The following CTNNA3 variants were observed in gnomAD, a reference collection of about 807,000 sequenced individuals.
The protein encoded by CTNNA3 is catenin alpha-3.
CTNNA3 carries 76 observed loss-of-function variants against 95.7 expected under a neutral mutation model. The ratio of observed to expected loss-of-function variants is 0.79; its 90% CI spans 0.66 to 0.96. The LOEUF is 0.96. Ranked by LOEUF, CTNNA3 falls within the 40% of genes least tolerant of loss-of-function variation. The probability of loss-of-function intolerance (pLI) is 0.00; values close to 1 mark genes in which losing one functional copy is unlikely to be tolerated. For missense variants in CTNNA3, 1,191 were observed against 1,089.8 expected, an observed-to-expected ratio of 1.09 and a Z score of -1.31; for synonymous variants, 431 against 374.4, an observed-to-expected ratio of 1.15 and a Z score of -1.74.
At chr10:66,890,145 T>C (rs925630606) in intron 7 of CTNNA3, among the ~76,000 whole-genome samples, 1 of 152,162 alleles carries the variant, frequency 6.6e-6, no homozygotes, top group Non-Finnish European at 1.5e-5. Flanking sequence ...TTTGGACATG[T>C]AAGGTTTGAA....
chr10:67,238,194 A>G (rs1370180321), intron 5 of CTNNA3, among the ~76,000 whole-genome samples: 1 of 152,214 alleles, frequency 6.6e-6, no homozygotes, highest in Non-Finnish European at 1.5e-5. Context: ...ACATGAATCT[A>G]GACTTCAGAG....
chr10:66,166,360 G>C (rs1406624743), intron 13 of CTNNA3, among the ~76,000 whole-genome samples: 1 of 151,910 alleles, frequency 6.6e-6, no homozygotes, highest in East Asian at 2.0e-4. Flanking sequence ...AAGGCATAGT[G>C]ATGGGCACCT....
chr10:65,968,367 C>T (rs1016267668), intron 16 of CTNNA3, among the ~76,000 whole-genome samples: 1 of 151,954 alleles, frequency 6.6e-6, no homozygotes. Flanking sequence ...CAGAGTGGGA[C>T]CTTGTGTCAA....
upstream of CTNNA3, among the ~76,000 whole-genome samples, chr10:67,700,709 AG>A (rs1841030735): frequency 6.6e-6 from 1 of 152,210 alleles, no homozygotes. Context: ...AACTCTAAAA[AG>A]CAGAGCGCCT....
rs80021039 is a variant in CTNNA3, at chr10:66,564,707, T to C, written c.1375-43934A>G. Among the ~76,000 whole-genome samples the C allele has an allele frequency of 7.5e-3, 1,136 of 152,278 alleles. 15 individuals are homozygous for C. The highest frequency in any genetic ancestry group is 0.026 in the African/African-American group (1,085 of 41,568). Reference sequence around the variant, plus strand: ...CCTGACAAAGTTACCAAAAGTGCCTTTTCCTTGAAGGACATAAAAGGTGAG... The same window carrying C: ...CCTGACAAAGTTACCAAAAGTGCCTCTTCCTTGAAGGACATAAAAGGTGAG... On this transcript the variant is annotated intron_variant, in intron 10 of 17. Coordinates refer to ENST00000433211, the MANE Select transcript of CTNNA3 (RefSeq NM_013266.4).
chr10:66,211,915 A>G (rs1456700113), intron 13 of CTNNA3, among the ~76,000 whole-genome samples: 2 of 151,606 alleles, frequency 1.3e-5, no homozygotes, highest in Non-Finnish European at 2.9e-5. Context: ...TTGTTGAACC[A>G]ATTTCAGATT....
intron 3 of CTNNA3, among the ~76,000 whole-genome samples, chr10:67,601,425 G>A (rs919052529): frequency 2.0e-5 from 3 of 152,084 alleles, no homozygotes; most frequent in African/African-American, 2.4e-5. Flanking sequence ...ATCTAATGCC[G>A]CAGCTGATCT....
intron 11 of CTNNA3, among the ~76,000 whole-genome samples, chr10:66,415,853 T>C (rs755620222): frequency 2.0e-5 from 3 of 152,120 alleles, no homozygotes; most frequent in Non-Finnish European, 2.9e-5. Flanking sequence ...AGTCCTTCCC[T>C]GTGAAAGCAA....
intron 11 of CTNNA3, among the ~76,000 whole-genome samples, chr10:66,422,704 A>G (rs1035953026): frequency 3.3e-5 from 5 of 152,054 alleles, no homozygotes; most frequent in Non-Finnish European, 5.9e-5. Flanking sequence ...TTCCATATCA[A>G]TCTAGTCACT....
At chr10:66,547,583 C>T (rs555299884) in intron 10 of CTNNA3, among the ~76,000 whole-genome samples, 2 of 151,848 alleles carry the variant, frequency 1.3e-5, no homozygotes, top group Non-Finnish European at 2.9e-5. Flanking sequence ...ACCTCGTAAT[C>T]CACCCTCCTC....
chr10:67,350,910 G>GTACA (rs1554825972), intron 5 of CTNNA3, among the ~76,000 whole-genome samples: 152 of 141,818 alleles, frequency 1.1e-3, no homozygotes, highest in African/African-American at 3.6e-3. Flanking sequence ...AAAAGTATGT[G>GTACA]TATATATATA....
intron 5 of CTNNA3, among the ~76,000 whole-genome samples, chr10:67,287,095 T>G (rs1164819343): frequency 1.3e-5 from 2 of 152,050 alleles, no homozygotes; most frequent in Admixed American, 1.3e-4. Flanking sequence ...ATCCCAGCAC[T>G]TTGGGAGGCG....
At chr10:66,903,915 G>A (rs1286916742) in intron 7 of CTNNA3, among the ~76,000 whole-genome samples, 2 of 152,104 alleles carry the variant, frequency 1.3e-5, no homozygotes, top group African/African-American at 2.4e-5. Context: ...CATGCTCATG[G>A]ATAGGAAGAA....
chr10:66,973,522 C>G (rs1476253733), intron 7 of CTNNA3, among the ~76,000 whole-genome samples: 1 of 152,136 alleles, frequency 6.6e-6, no homozygotes, highest in Non-Finnish European at 1.5e-5. Context: ...GTATGCCCTT[C>G]TAAGTTTGTT....
intron 5 of CTNNA3, among the ~76,000 whole-genome samples, chr10:67,278,257 G>T (rs1839263448): frequency 6.6e-6 from 1 of 152,208 alleles, no homozygotes; most frequent in South Asian, 2.1e-4. Flanking sequence ...TATTTTAAGA[G>T]ATTTATTCTG....
chr10:67,355,038 A>T (rs1267587105), intron 5 of CTNNA3, among the ~76,000 whole-genome samples: 1 of 152,062 alleles, frequency 6.6e-6, no homozygotes, highest in Non-Finnish European at 1.5e-5. Context: ...GCTATTGTCC[A>T]AATGATAGTT....
chr10:67,265,254 A>G (rs1174472156), intron 5 of CTNNA3, among the ~76,000 whole-genome samples: 1 of 152,222 alleles, frequency 6.6e-6, no homozygotes, highest in Non-Finnish European at 1.5e-5. Context: ...GATCAGTTGA[A>G]GGCTCATATT....
In CTNNA3 at chr10:66,927,853, A is replaced by G. The variant is rs1847159026; in HGVS notation, c.1048-152329T>C. On this transcript the variant is annotated intron_variant, in intron 7 of 17. Transcript: ENST00000433211. The surrounding 1 kb of genome is among the most constrained non-coding windows in gnomAD (Gnocchi z 4.7). ...CAATGACATCAGTCTTGCTGGGAAT[A>G]TATGGGAATGCAGCAGAAATATTTG... 2 of 1,614,250 alleles carry G rather than the reference A, an allele frequency of 1.2e-6. No homozygotes were observed. Among genetic ancestry groups the G allele is most frequent in the Non-Finnish European group, 1.7e-6 (2 of 1,180,050 alleles).
At chr10:67,414,564 T>G (rs1845480380) in intron 5 of CTNNA3, among the ~76,000 whole-genome samples, 1 of 151,956 alleles carries the variant, frequency 6.6e-6, no homozygotes. Flanking sequence ...GAGCAGGGGC[T>G]CCTCCCTAAC....
Sources: allele counts gnomAD v4.1 joint callset (sites outside exome capture counted in the v4.1 genomes callset), GRCh38; gene constraint gnomAD v4.1.1; non-coding constraint Gnocchi (gnomAD v3.1); transcripts MANE v1.5; gene names NCBI Gene and HGNC (gene_info 2026-07-23, HGNC 2026-07-21).